DCC: variants seen among roughly 807,000 people sequenced by gnomAD.
DCC encodes DCC netrin 1 receptor, also known as netrin receptor DCC.
Under a neutral mutation model 172.5 loss-of-function variants are expected in DCC, and 58 were observed. The observed-to-expected ratio is 0.34, with a 90% CI of 0.27 to 0.42. The LOEUF (loss-of-function observed/expected upper bound fraction) is 0.42. DCC is among the 10% of genes least tolerant of loss of function. The probability of loss-of-function intolerance (pLI) is 1.00; values close to 1 mark genes in which losing one functional copy is unlikely to be tolerated. For missense variants in DCC, 1,740 were observed against 1,791.0 expected (o/e 0.97, Z 0.51); for synonymous variants, 709 against 644.5 (o/e 1.10, Z -1.52).
intron 1 of DCC, among the ~76,000 whole-genome samples, chr18:52,747,554 A>C (rs1767032550): frequency 6.6e-6 from 1 of 152,140 alleles, no homozygotes; most frequent in African/African-American, 2.4e-5. Context: ...CTACACTTTG[A>C]ATGAACTCTG....
intron 1 of DCC, among the ~76,000 whole-genome samples, chr18:52,425,512 C>G (rs1253877269): frequency 6.6e-6 from 1 of 152,134 alleles, no homozygotes; most frequent in Non-Finnish European, 1.5e-5. Context: ...TCAGCACGTT[C>G]TATGTCCCAC....
intron 5 of DCC, among the ~76,000 whole-genome samples, chr18:53,034,193 TAG>T (rs1340020740): frequency 6.6e-6 from 1 of 152,098 alleles, no homozygotes; most frequent in Non-Finnish European, 1.5e-5. Context: ...CCCCGAGCTT[TAG>T]AGTCATATAC....
chr18:52,627,790 C>T lies in DCC; in HGVS notation c.92-124264C>T, dbSNP rs139767634. On this transcript the variant is annotated intron_variant, in intron 1 of 28. Coordinates refer to ENST00000442544, the MANE Select transcript of DCC (RefSeq NM_005215.4). Reference sequence around the variant, plus strand: ...ATTTCTACTTTTCTTGCTTGTGAGCCAGAGTTTGGAAGTGTACCTGGTCAT... The same window carrying T: ...ATTTCTACTTTTCTTGCTTGTGAGCTAGAGTTTGGAAGTGTACCTGGTCAT... Among the ~76,000 whole-genome samples the T allele has an allele frequency of 2.0e-3, 307 of 152,266 alleles. 1 individual carries two copies. Among genetic ancestry groups the T allele is most frequent in the African/African-American group, 7.1e-3 (296 of 41,546 alleles).
At chr18:53,401,689 G>A (rs9807600) in intron 18 of DCC, among the ~76,000 whole-genome samples, 3,484 of 152,162 alleles carry the variant, frequency 0.023, 69 homozygotes, top group Middle Eastern at 0.065. Context: ...TCCCAAACAC[G>A]GAACCCAATA....
intron 5 of DCC, among the ~76,000 whole-genome samples, chr18:52,957,175 A>G (rs2040758261): frequency 1.3e-5 from 2 of 152,162 alleles, no homozygotes; most frequent in Non-Finnish European, 2.9e-5. Context: ...AAAAAATGTA[A>G]TATTTATGAT....
In DCC at chr18:53,533,382, C is replaced by A. The variant is rs1049463462; in HGVS notation, c.*2729C>A. 2 of 152,136 alleles carry A rather than the reference C, an allele frequency of 1.3e-5. No homozygotes were observed. Among genetic ancestry groups the A allele is most frequent in the Non-Finnish European group, 2.9e-5 (2 of 68,040 alleles). The allele number at this position is 152,136 out of a possible 1,614,324, so 9.4% of individuals were successfully genotyped here. On this transcript the variant is annotated 3_prime_UTR_variant, in exon 29 of 29. Coordinates refer to ENST00000442544, the MANE Select transcript of DCC (RefSeq NM_005215.4). ...CCAACCAGCCGCTCTGCCACCAGAACTCATTTCTCCCTGAAAAAGAAGAAA... is the reference window on the plus strand; with the variant it reads ...CCAACCAGCCGCTCTGCCACCAGAAATCATTTCTCCCTGAAAAAGAAGAAA...
At chr18:52,798,063 G>GAAGGTTGCTTGCAAA (rs2037911318) in intron 2 of DCC, among the ~76,000 whole-genome samples, 1 of 151,272 alleles carries the variant, frequency 6.6e-6, no homozygotes, top group Non-Finnish European at 1.5e-5. Context: ...TTGCTTGCAC[G>GAAGGTTGCTTGCAAA]AAGGTTGCTT....
chr18:52,968,625 T>A (rs2040973105), intron 5 of DCC, among the ~76,000 whole-genome samples: 1 of 152,162 alleles, frequency 6.6e-6, no homozygotes, highest in South Asian at 2.1e-4. Flanking sequence ...TCATCAGCAA[T>A]GGAAACTAGA....
At chr18:53,028,570 G>T (rs980923687) in intron 5 of DCC, among the ~76,000 whole-genome samples, 2 of 151,962 alleles carry the variant, frequency 1.3e-5, no homozygotes, top group East Asian at 3.9e-4. Context: ...TCTAATTCAG[G>T]CTAGTTTAAT....
At chr18:52,579,912 G>A (rs2033504126) in intron 1 of DCC, among the ~76,000 whole-genome samples, 3 of 152,146 alleles carry the variant, frequency 2.0e-5, no homozygotes, top group Non-Finnish European at 4.4e-5. Flanking sequence ...AAATTGTACT[G>A]GATCAAGAAA....
chr18:52,629,949 CAAAAAAAAA>C (rs540334133), intron 1 of DCC, among the ~76,000 whole-genome samples: 2,930 of 40,888 alleles, frequency 0.072, 55 homozygotes, highest in Middle Eastern at 0.14. Context: ...GACTCCGTCT[CAAAAAAAAA>C]AAAAAAAAAA....
chr18:53,226,739 T>G (rs2056034440), intron 12 of DCC, among the ~76,000 whole-genome samples: 1 of 151,760 alleles, frequency 6.6e-6, no homozygotes, highest in Admixed American at 6.6e-5. Context: ...GACCTCTGAT[T>G]ATTTAGCAAC....
At chr18:52,870,135 C>G (rs149176816) in intron 2 of DCC, among the ~76,000 whole-genome samples, 1 of 152,176 alleles carries the variant, frequency 6.6e-6, no homozygotes, top group Non-Finnish European at 1.5e-5. Flanking sequence ...CCACTGGCTC[C>G]GGGGAGTGCT....
chr18:53,166,550 C>A (rs777234825), intron 8 of DCC, among the ~76,000 whole-genome samples: 1 of 152,108 alleles, frequency 6.6e-6, no homozygotes, highest in South Asian at 2.1e-4. Flanking sequence ...AATTTGAAAT[C>A]AAAATCTGTT....
At chr18:53,092,036 T>C (rs2043021400) in intron 7 of DCC, among the ~76,000 whole-genome samples, 2 of 152,108 alleles carry the variant, frequency 1.3e-5, no homozygotes, top group Admixed American at 1.3e-4. Context: ...TATATGACAA[T>C]TATTTTTAAT....
intron 19 of DCC, among the ~76,000 whole-genome samples, chr18:53,409,071 A>G (rs1272845779): frequency 1.3e-5 from 2 of 152,198 alleles, no homozygotes; most frequent in Non-Finnish European, 2.9e-5. Flanking sequence ...GGAAGGTTTC[A>G]TAGGCCAGAT....
chr18:52,850,881 G>A (rs901913477), intron 2 of DCC, among the ~76,000 whole-genome samples: 5 of 151,964 alleles, frequency 3.3e-5, no homozygotes, highest in Admixed American at 6.6e-5. Flanking sequence ...ACCAGGTTCC[G>A]TCAGGTAAAT....
intron 1 of DCC, among the ~76,000 whole-genome samples, chr18:52,748,402 G>A (rs559007398): frequency 1.4e-4 from 22 of 152,344 alleles, no homozygotes; most frequent in Admixed American, 1.1e-3. Context: ...CTCTGGCTCC[G>A]GGAGTCCCAA....
chr18:52,581,930 A>G (rs1049073112), intron 1 of DCC, among the ~76,000 whole-genome samples: 1 of 152,186 alleles, frequency 6.6e-6, no homozygotes, highest in African/African-American at 2.4e-5. Context: ...GTGGTCATGA[A>G]TGCAGTTAAC....
Sources: gnomAD v4.1 joint callset for allele counts (sites outside exome capture counted in the v4.1 genomes callset) on GRCh38, gnomAD v4.1.1 for gene constraint, MANE v1.5 for transcripts, NCBI Gene and HGNC (gene_info 2026-07-23, HGNC 2026-07-21) for gene names.